Variants in GALNTL6 observed in about 807,000 individuals in gnomAD.
The protein encoded by GALNTL6 is polypeptide N-acetylgalactosaminyltransferase like 6, also known as polypeptide N-acetylgalactosaminyltransferase-like 6.
In GALNTL6, 46 loss-of-function variants were observed where a neutral mutation model predicts 73.7. The observed-to-expected ratio is 0.62, with a 90% CI of 0.49 to 0.80. The LOEUF is 0.80. Ranked by LOEUF, GALNTL6 falls within the 30% of genes least tolerant of loss-of-function variation. The pLI is 0.00. For missense variants in GALNTL6, 604 were observed against 755.0 expected, an observed-to-expected ratio of 0.80 and a Z score of 2.34; for synonymous variants, 259 against 263.7, an observed-to-expected ratio of 0.98 and a Z score of 0.17.
intron 3 of GALNTL6, among the ~76,000 whole-genome samples, chr4:172,293,564 G>A (rs1739547205): frequency 6.6e-6 from 1 of 152,014 alleles, no homozygotes; most frequent in Non-Finnish European, 1.5e-5. Flanking sequence ...GAATGAGCTA[G>A]TTAAATCACA....
intron 5 of GALNTL6, among the ~76,000 whole-genome samples, chr4:172,689,390 A>G (rs1222043071): frequency 6.6e-6 from 1 of 152,226 alleles, no homozygotes; most frequent in Non-Finnish European, 1.5e-5. Context: ...TATAAAGCTT[A>G]GCCCAACTAC....
intron 5 of GALNTL6, among the ~76,000 whole-genome samples, chr4:172,614,134 A>G (rs1738630203): frequency 6.9e-6 from 1 of 143,966 alleles, no homozygotes; most frequent in Non-Finnish European, 1.5e-5. Flanking sequence ...CTATCTATCT[A>G]TCATCTATCT....
intron 2 of GALNTL6, among the ~76,000 whole-genome samples, chr4:171,907,126 T>A (rs1464140748): frequency 6.6e-6 from 1 of 152,014 alleles, no homozygotes; most frequent in Non-Finnish European, 1.5e-5. Context: ...TTCAACATAG[T>A]GTTGGAAGTT....
intron 4 of GALNTL6, among the ~76,000 whole-genome samples, chr4:172,344,814 A>T (rs779179136): frequency 3.3e-5 from 5 of 152,140 alleles, no homozygotes; most frequent in Non-Finnish European, 5.9e-5. Context: ...CATTTTATAT[A>T]TCTGCTCACT....
chr4:172,416,398 A>G (rs573802595), intron 5 of GALNTL6, among the ~76,000 whole-genome samples: 74 of 152,348 alleles, frequency 4.9e-4, no homozygotes, highest in African/African-American at 1.7e-3. Context: ...GATACCACAT[A>G]AAAATAGTGC....
chr4:173,003,435 C>G (rs1056588013), intron 10 of GALNTL6, among the ~76,000 whole-genome samples: 1 of 152,102 alleles, frequency 6.6e-6, no homozygotes, highest in Non-Finnish European at 1.5e-5. Context: ...ACTTAAGTGC[C>G]GTGAGCAATC....
At chr4:172,540,320 A>C (rs1425656656) in intron 5 of GALNTL6, among the ~76,000 whole-genome samples, 4 of 152,024 alleles carry the variant, frequency 2.6e-5, no homozygotes, top group East Asian at 1.9e-4. Context: ...GATTTCAGGC[A>C]TGAGCCACTG....
chr4:172,056,039 T>A (rs1032602332), intron 2 of GALNTL6, among the ~76,000 whole-genome samples: 1 of 152,180 alleles, frequency 6.6e-6, no homozygotes, highest in Admixed American at 6.6e-5. Context: ...GGAAACCAAA[T>A]ATTCCAAAAT....
At chr4:172,099,550 G>A (rs1340760133) in intron 2 of GALNTL6, among the ~76,000 whole-genome samples, 1 of 152,060 alleles carries the variant, frequency 6.6e-6, no homozygotes, top group Non-Finnish European at 1.5e-5. Flanking sequence ...GAAACTACAC[G>A]AGTTTCTGTC....
At chr4:172,279,563 G>A (rs1373994506) in intron 3 of GALNTL6, among the ~76,000 whole-genome samples, 1 of 152,066 alleles carries the variant, frequency 6.6e-6, no homozygotes, top group African/African-American at 2.4e-5. Flanking sequence ...AAAACAGAAA[G>A]TAACAGGTGT....
chr4:172,251,076 A>G (rs1236108787), intron 3 of GALNTL6, among the ~76,000 whole-genome samples: 1 of 152,166 alleles, frequency 6.6e-6, no homozygotes, highest in East Asian at 1.9e-4. Flanking sequence ...GTATATATGT[A>G]TATGGAGAGA....
At chr4:172,670,662 C>T (rs1301671207) in intron 5 of GALNTL6, among the ~76,000 whole-genome samples, 1 of 152,098 alleles carries the variant, frequency 6.6e-6, no homozygotes, top group African/African-American at 2.4e-5. Flanking sequence ...TAACTAGATC[C>T]CATTTGTCAA....
At chr4:172,763,098 A>G (rs1161001120) in intron 5 of GALNTL6, among the ~76,000 whole-genome samples, 7 of 152,120 alleles carry the variant, frequency 4.6e-5, no homozygotes, top group Non-Finnish European at 2.9e-5. Context: ...ATACATCCAG[A>G]TAGACACAGG....
intron 5 of GALNTL6, among the ~76,000 whole-genome samples, chr4:172,552,832 T>C (rs1222182432): frequency 5.8e-5 from 1 of 17,234 alleles, no homozygotes; most frequent in African/African-American, 3.6e-4. Context: ...CAAAAGTAAT[T>C]GCAGTAAAAA....
intron 2 of GALNTL6, among the ~76,000 whole-genome samples, chr4:171,848,512 C>T (rs1735434618): frequency 6.6e-6 from 1 of 152,110 alleles, no homozygotes; most frequent in African/African-American, 2.4e-5. Context: ...TATTTTTTCC[C>T]TATATAAGGC....
At chr4:171,970,563 A>G (rs906222298) in intron 2 of GALNTL6, among the ~76,000 whole-genome samples, 1 of 152,196 alleles carries the variant, frequency 6.6e-6, no homozygotes, top group Non-Finnish European at 1.5e-5. Flanking sequence ...TTAGTGGAAA[A>G]CAAGGTAAAA....
At chr4:172,497,134 T>G (rs958839945) in intron 5 of GALNTL6, among the ~76,000 whole-genome samples, 4 of 152,174 alleles carry the variant, frequency 2.6e-5, no homozygotes, top group Admixed American at 2.6e-4. Flanking sequence ...GCTGATTCAT[T>G]TATAGGTTGG....
At chr4:171,990,554 T>C (rs1740303870) in intron 2 of GALNTL6, among the ~76,000 whole-genome samples, 1 of 152,202 alleles carries the variant, frequency 6.6e-6, no homozygotes, top group South Asian at 2.1e-4. Context: ...ACCCTAATTG[T>C]CTGAAGTGTT....
At chr4:172,159,158 G>A (rs1734376492) in intron 2 of GALNTL6, among the ~76,000 whole-genome samples, 1 of 152,134 alleles carries the variant, frequency 6.6e-6, no homozygotes, top group Non-Finnish European at 1.5e-5. Context: ...GTTTGCAGCA[G>A]GGAACAGTGC....
Sources: allele counts gnomAD v4.1 joint callset (sites outside exome capture counted in the v4.1 genomes callset), GRCh38; gene constraint gnomAD v4.1.1; transcripts MANE v1.5; gene names NCBI Gene and HGNC (gene_info 2026-07-23, HGNC 2026-07-21).